The following GULP1 variants were observed in gnomAD, a reference collection of about 807,000 sequenced individuals.
The protein encoded by GULP1 is PTB domain-containing engulfment adapter protein 1.
In GULP1, 19 loss-of-function variants were observed where a neutral mutation model predicts 40.9. That is an observed-to-expected ratio of 0.46 (90% confidence interval 0.32 to 0.68). The LOEUF (loss-of-function observed/expected upper bound fraction) is 0.68. Among genes scored for constraint, GULP1 ranks in the 30% least tolerant of loss-of-function variants. The probability of loss-of-function intolerance (pLI) is 0.03; values close to 1 mark genes in which losing one functional copy is unlikely to be tolerated. For synonymous variants in GULP1, 119 were observed against 117.6 expected, an observed-to-expected ratio of 1.01 and a Z score of -0.08; for missense variants, 312 against 362.2, an observed-to-expected ratio of 0.86 and a Z score of 1.12.
intron 2 of GULP1, among the ~76,000 whole-genome samples, chr2:188,417,728 A>C (rs2054771777): frequency 6.6e-6 from 1 of 152,162 alleles, no homozygotes; most frequent in Admixed American, 6.5e-5. Flanking sequence ...CTCCTCATTG[A>C]CAAAGAGTAG....
chr2:188,361,058 C>T (rs1271149879), intron 1 of GULP1, among the ~76,000 whole-genome samples: 1 of 152,002 alleles, frequency 6.6e-6, no homozygotes. Flanking sequence ...CGTAATATTG[C>T]GCAGATGACA....
intron 7 of GULP1, among the ~76,000 whole-genome samples, chr2:188,561,695 G>C (rs1028170605): frequency 2.0e-5 from 3 of 152,290 alleles, no homozygotes; most frequent in Admixed American, 6.5e-5. Context: ...GCATGAGTGA[G>C]GGGCAGTAGT....
At chr2:188,403,721 T>A (rs910947410) in intron 2 of GULP1, among the ~76,000 whole-genome samples, 1 of 152,202 alleles carries the variant, frequency 6.6e-6, no homozygotes, top group Non-Finnish European at 1.5e-5. Context: ...GCTGTGGCAC[T>A]AAGTCTGTAC....
chr2:188,557,502 T>G (rs1215228584), intron 7 of GULP1, among the ~76,000 whole-genome samples: 11 of 152,216 alleles, frequency 7.2e-5, no homozygotes, highest in Admixed American at 5.9e-4. Flanking sequence ...CCATGTCCCA[T>G]ATCCAGGGCA....
chr2:188,444,088 C>T (rs1234412826), intron 2 of GULP1, among the ~76,000 whole-genome samples: 1 of 152,102 alleles, frequency 6.6e-6, no homozygotes, highest in Non-Finnish European at 1.5e-5. Context: ...TTACCTGCAT[C>T]CCAGACTATT....
At chr2:188,294,375 TCATGTA>T (rs1186877343) in intron 1 of GULP1, 4 of 152,204 alleles carry the variant, frequency 2.6e-5, no homozygotes, top group African/African-American at 9.6e-5. Context: ...TCTTGCTCTT[TCATGTA>T]AAGAAGTAAA....
intron 1 of GULP1, among the ~76,000 whole-genome samples, chr2:188,328,031 A>G (rs140998561): frequency 0.01 from 1,563 of 152,206 alleles, 10 homozygotes; most frequent in Middle Eastern, 0.027. Flanking sequence ...TGTAATATGT[A>G]TGTGTCTGAG....
At chr2:188,517,894 T>C (rs999749187) in intron 4 of GULP1, among the ~76,000 whole-genome samples, 1 of 152,122 alleles carries the variant, frequency 6.6e-6, no homozygotes, top group Non-Finnish European at 1.5e-5. Context: ...CCATGCTTAC[T>C]AGCATTTTGC....
At chr2:188,415,990 A>G (rs2054531414) in intron 2 of GULP1, among the ~76,000 whole-genome samples, 1 of 152,186 alleles carries the variant, frequency 6.6e-6, no homozygotes, top group Non-Finnish European at 1.5e-5. Context: ...TGACTAATTC[A>G]TAAAAGTTTG....
chr2:188,519,511 T>C (rs1575743236), intron 4 of GULP1, among the ~76,000 whole-genome samples: 1 of 152,220 alleles, frequency 6.6e-6, no homozygotes. Flanking sequence ...GCTTCTCTGC[T>C]CCTGCTAATC....
intron 11 of GULP1, 75 bp downstream of exon 11, chr2:188,588,024 A>G: frequency 1.2e-6 from 1 of 821,324 alleles, no homozygotes; most frequent in Non-Finnish European, 2.2e-6. Flanking sequence ...GTTATGTACC[A>G]AAACTATGGT....
intron 2 of GULP1, among the ~76,000 whole-genome samples, chr2:188,401,533 A>G (rs1410785883): frequency 1.3e-5 from 2 of 152,152 alleles, no homozygotes; most frequent in Non-Finnish European, 2.9e-5. Flanking sequence ...TATTCATAGC[A>G]TGGTATTTTT....
At chr2:188,338,446 A>G (rs1023282466) in intron 1 of GULP1, among the ~76,000 whole-genome samples, 8 of 151,842 alleles carry the variant, frequency 5.3e-5, no homozygotes, top group Non-Finnish European at 8.8e-5. Flanking sequence ...CCGGAACTAC[A>G]AGTGCATCCC....
At chr2:188,567,437 C>T (rs768466991) in intron 7 of GULP1, among the ~76,000 whole-genome samples, 1 of 152,088 alleles carries the variant, frequency 6.6e-6, no homozygotes, top group Admixed American at 6.6e-5. Flanking sequence ...TATCCCATAT[C>T]CCATGGAATA....
At chr2:188,385,626 T>C (rs571332556) in intron 2 of GULP1, among the ~76,000 whole-genome samples, 1 of 152,306 alleles carries the variant, frequency 6.6e-6, no homozygotes, top group East Asian at 1.9e-4. Flanking sequence ...ACTTGTATGC[T>C]CTGCTTCCCT....
At chr2:188,584,728 G>A (rs1274070098) in intron 10 of GULP1, among the ~76,000 whole-genome samples, 1 of 151,676 alleles carries the variant, frequency 6.6e-6, no homozygotes, top group Non-Finnish European at 1.5e-5. Flanking sequence ...ATAACTGGTG[G>A]TAATTAAATT....
chr2:188,569,401 C>T (rs1698537969), intron 8 of GULP1, 46 bp downstream of exon 8: 6 of 974,224 alleles, frequency 6.2e-6, no homozygotes, highest in Non-Finnish European at 1.0e-5. Flanking sequence ...GATGTAAGTA[C>T]AGGGAAACTT....
intron 2 of GULP1, among the ~76,000 whole-genome samples, chr2:188,404,469 C>T (rs1446930025): frequency 6.6e-6 from 1 of 152,106 alleles, no homozygotes; most frequent in Non-Finnish European, 1.5e-5. Context: ...AGAAGTGAGC[C>T]CTGGGTTTTG....
chr2:188,445,259 G>T lies in GULP1; in HGVS notation c.-44-32400G>T, dbSNP rs183090731. On this transcript the variant is annotated intron_variant, in intron 2 of 11. Coordinates refer to ENST00000409830, the MANE Select transcript of GULP1 (RefSeq NM_016315.4). The stretch of plus-strand genomic sequence containing the variant: ...AATCTATCTAGGTCCCTAGATAAAT[G>T]AAAATTATAGTAGAAACAAATGAGG... 1.6e-3 allele frequency among the ~76,000 whole-genome samples: 237 copies of T among 151,586 alleles called. 1 individual carries two copies. The highest frequency in any genetic ancestry group is 3.4e-4 in the Non-Finnish European group (23 of 67,878).
Sources: gnomAD v4.1 joint callset for allele counts (sites outside exome capture counted in the v4.1 genomes callset) on GRCh38, gnomAD v4.1.1 for gene constraint, MANE v1.5 for transcripts, NCBI Gene and HGNC (gene_info 2026-07-23, HGNC 2026-07-21) for gene names.